The following BBOX1 variants were observed in gnomAD, a reference collection of about 807,000 sequenced individuals.
The protein encoded by BBOX1 is gamma-butyrobetaine hydroxylase 1.
A neutral mutation model predicts 41.6 loss-of-function variants in BBOX1; 35 were observed. That is an observed-to-expected ratio of 0.84 (90% CI 0.64 to 1.11). BBOX1 has a LOEUF of 1.11. Ranked by LOEUF, BBOX1 falls within the 50% of genes most tolerant of loss-of-function variation. The pLI is 0.00. For missense variants in BBOX1, 458 were observed against 460.6 expected (o/e 0.99, Z 0.05); for synonymous variants, 163 against 154.7 (o/e 1.05, Z -0.40).
chr11:27,127,468 A>C lies in BBOX1; in HGVS notation c.*15A>C. Reference sequence around the variant, plus strand: ...ATGGAAACTGAAGTCACCTGTAGATAATTTTAATAAGATTCCAATGACCAT... The same window carrying C: ...ATGGAAACTGAAGTCACCTGTAGATCATTTTAATAAGATTCCAATGACCAT... On this transcript the variant is annotated 3_prime_UTR_variant, in exon 9 of 9. Transcript: ENST00000263182. 1.3e-6 allele frequency: 2 copies of C among 1,587,312 alleles called. No individual in the cohort carries two copies. Among genetic ancestry groups the C allele is most frequent in the Non-Finnish European group, 8.5e-7 (1 of 1,171,446 alleles).
At chr11:27,104,134 T>C (rs1590214993) in intron 5 of BBOX1, among the ~76,000 whole-genome samples, 1 of 152,192 alleles carries the variant, frequency 6.6e-6, no homozygotes, top group Non-Finnish European at 1.5e-5. Flanking sequence ...CTAGAATTCA[T>C]GAATTCCAGA....
intron 7 of BBOX1, among the ~76,000 whole-genome samples, chr11:27,124,249 A>G (rs1320594916): frequency 6.6e-6 from 1 of 152,192 alleles, no homozygotes; most frequent in African/African-American, 2.4e-5. Context: ...CACTTCCTGC[A>G]CTTGTCCTTC....
At chr11:27,060,819 A>G (rs1356217901) in intron 4 of BBOX1, among the ~76,000 whole-genome samples, 3 of 152,176 alleles carry the variant, frequency 2.0e-5, no homozygotes, top group South Asian at 4.1e-4. Context: ...GTTTTGTCCT[A>G]GTGCTTTCTC....
chr11:27,091,469 T>C (rs144604612), intron 4 of BBOX1, among the ~76,000 whole-genome samples: 199 of 152,008 alleles, frequency 1.3e-3, no homozygotes, highest in Middle Eastern at 6.8e-3. Context: ...TCCCCCAAAA[T>C]GTATAATCAT....
chr11:27,054,230 T>TGC (rs1394023328), intron 2 of BBOX1, among the ~76,000 whole-genome samples: 1 of 151,372 alleles, frequency 6.6e-6, no homozygotes, highest in African/African-American at 2.4e-5. Flanking sequence ...TGTGTGTGTG[T>TGC]GTGTGCGTGC....
chr11:27,100,957 C>T (rs575620397), intron 5 of BBOX1, among the ~76,000 whole-genome samples: 1 of 151,978 alleles, frequency 6.6e-6, no homozygotes, highest in East Asian at 1.9e-4. Context: ...TTTATTAAGC[C>T]CCTTTTATGT....
At chr11:27,119,091 C>T (rs561274430) in intron 6 of BBOX1, among the ~76,000 whole-genome samples, 1 of 152,142 alleles carries the variant, frequency 6.6e-6, no homozygotes, top group South Asian at 2.1e-4. Flanking sequence ...TGAGGCCTCA[C>T]CAATTGCCCT....
intron 3 of BBOX1, 137 bp downstream of exon 3, chr11:27,055,786 T>C: frequency 1.5e-6 from 1 of 669,072 alleles, no homozygotes; most frequent in East Asian, 2.8e-5. Flanking sequence ...TAGTACTTGG[T>C]GCGAATTAAG....
intron 4 of BBOX1, among the ~76,000 whole-genome samples, chr11:27,060,014 C>T (rs896865665): frequency 2.0e-5 from 3 of 152,108 alleles, no homozygotes; most frequent in African/African-American, 7.2e-5. Context: ...ACTGGGAAGG[C>T]ATGACTGTAT....
chr11:27,106,877 T>C (rs185216994), intron 5 of BBOX1, among the ~76,000 whole-genome samples: 8 of 152,228 alleles, frequency 5.3e-5, no homozygotes, highest in African/African-American at 1.7e-4. Context: ...ACAGAAATTA[T>C]AACAAACTGT....
At chr11:27,104,837 C>T (rs1170370904) in intron 5 of BBOX1, among the ~76,000 whole-genome samples, 2 of 152,132 alleles carry the variant, frequency 1.3e-5, no homozygotes, top group African/African-American at 4.8e-5. Context: ...TGGGAGACAC[C>T]GCCCATTAGG....
Position 27,125,944 on chromosome 11 carries a change from G to C in BBOX1, c.1003+124G>C, listed in dbSNP as rs995939603. 2.3e-5 allele frequency: 23 copies of C among 1,015,036 alleles called. No homozygotes were observed. The African/African-American group carries it at 3.7e-4, about 16-fold the overall frequency. The allele number at this position is 1,015,036 out of a possible 1,614,324, so 62.9% of individuals were successfully genotyped here. ...TGTAGAACACCAACAACAGAATCTT[G>C]GTGAGCAACTGACTTGCTTATGTAG... On this transcript the variant is annotated intron_variant, in intron 8 of 8. Coordinates refer to ENST00000263182, the MANE Select transcript of BBOX1 (RefSeq NM_003986.3).
At chr11:27,074,272 G>A (rs973208637) in intron 4 of BBOX1, among the ~76,000 whole-genome samples, 2 of 151,958 alleles carry the variant, frequency 1.3e-5, no homozygotes, top group Non-Finnish European at 2.9e-5. Flanking sequence ...TTATAGCAGT[G>A]TGAGAATGCA....
rs569816865 is a variant in BBOX1 at position 27,105,457 on chromosome 11, A to C, written c.534-9995A>C. Among the ~76,000 whole-genome samples, 7 of 152,346 alleles carry C rather than the reference A, an allele frequency of 4.6e-5. No individual in the cohort carries two copies. The East Asian group carries it at 1.2e-3, about 25-fold the overall frequency. On this transcript the variant is annotated intron_variant, in intron 5 of 8. Coordinates refer to ENST00000263182, the MANE Select transcript of BBOX1 (RefSeq NM_003986.3). ...ACTACGTGACGAATGCACAAGCTTC[A>C]GTTGCAAATTCGATCAACTGGAAGA...
chr11:27,069,353 T>C (rs928607175), intron 4 of BBOX1, among the ~76,000 whole-genome samples: 1 of 150,874 alleles, frequency 6.6e-6, no homozygotes, highest in African/African-American at 2.5e-5. Context: ...AAGGACTGAG[T>C]TCATGGTTTG....
intron 5 of BBOX1, among the ~76,000 whole-genome samples, chr11:27,111,774 G>A (rs1859073286): frequency 6.6e-6 from 1 of 151,916 alleles, no homozygotes; most frequent in Non-Finnish European, 1.5e-5. Context: ...AGAATCAAAT[G>A]TTTATCTCAT....
chr11:27,093,190 G>A lies in BBOX1; in HGVS notation c.357G>A (p.Glu119=), dbSNP rs985981621. The change falls in exon 5 of 9, where the codon GAG becomes GAA. Residue 119 remains glutamate (E), a synonymous_variant. Transcript: ENST00000263182. ...FFPECQYWGS[E]LQLPTLDFED... is the part of the protein sequence containing the mutation. ...CAGAATGCCAATACTGGGGCTCAGA[G>A]CTCCAGCTACCCACTTTGGATTTTG... The A allele has an allele frequency of 1.2e-6, 2 of 1,612,068 alleles. No individual in the cohort carries two copies. The highest frequency in any genetic ancestry group is 3.3e-5 in the Admixed American group (2 of 59,796).
intron 2 of BBOX1, among the ~76,000 whole-genome samples, chr11:27,050,793 T>G (rs767318964): frequency 1.2e-4 from 18 of 152,126 alleles, no homozygotes; most frequent in Non-Finnish European, 7.4e-5. Context: ...AAGGACAATT[T>G]TAGTTCTTCC....
chr11:27,067,062 T>A (rs970994667), intron 4 of BBOX1, among the ~76,000 whole-genome samples: 5 of 152,180 alleles, frequency 3.3e-5, no homozygotes, highest in Non-Finnish European at 7.3e-5. Context: ...TAGTATATAC[T>A]TAACTTCTCA....
Sources: gnomAD v4.1 joint callset for allele counts (sites outside exome capture counted in the v4.1 genomes callset) on GRCh38, gnomAD v4.1.1 for gene constraint, MANE v1.5 for transcripts, NCBI Gene and HGNC (gene_info 2026-07-23, HGNC 2026-07-21) for gene names.